Variants in FA2H observed in about 807,000 individuals in gnomAD.
FA2H encodes fatty acid alpha-hydroxylase.
In FA2H, 22 loss-of-function variants were observed where a neutral mutation model predicts 44.9. The observed-to-expected ratio is 0.49, with a 90% CI of 0.35 to 0.70. FA2H has a LOEUF of 0.70. Among genes scored for constraint, FA2H ranks in the 30% least tolerant of loss-of-function variants. The probability of loss-of-function intolerance (pLI) is 0.01; values close to 1 mark genes in which losing one functional copy is unlikely to be tolerated. For missense variants in FA2H, 501 were observed against 504.9 expected (o/e 0.99, Z 0.07); for synonymous variants, 243 against 213.2 (o/e 1.14, Z -1.22).
At chr16:74,739,995 T>G (rs372629179) in intron 2 of FA2H, 28 bp downstream of exon 2, 1 of 1,547,778 alleles carries the variant, frequency 6.5e-7, no homozygotes, top group Non-Finnish European at 8.9e-7. Flanking sequence ...CCCCCAGTCA[T>G]CACCCCACTC....
intron 1 of FA2H, among the ~76,000 whole-genome samples, chr16:74,772,451 T>C (rs1276238604): frequency 6.6e-6 from 1 of 152,202 alleles, no homozygotes; most frequent in African/African-American, 2.4e-5. Flanking sequence ...ATTAGCTCCA[T>C]GAAGACAGGA....
At chr16:74,766,535 T>C (rs1243051384) in intron 1 of FA2H, among the ~76,000 whole-genome samples, 1 of 151,708 alleles carries the variant, frequency 6.6e-6, no homozygotes, top group Admixed American at 6.6e-5. Flanking sequence ...TCAGAGACAA[T>C]GGGGAACAGA....
chr16:74,773,353 A>T (rs1962943646), intron 1 of FA2H, among the ~76,000 whole-genome samples: 1 of 94,134 alleles, frequency 1.1e-5, no homozygotes, highest in African/African-American at 2.8e-5. Flanking sequence ...TTTATCATAG[A>T]TATGCATATA....
At chr16:74,750,799 C>T (rs1038996868) in intron 1 of FA2H, among the ~76,000 whole-genome samples, 3 of 38,558 alleles carry the variant, frequency 7.8e-5, no homozygotes, top group African/African-American at 3.1e-4. Context: ...GTTTAAGAGA[C>T]AGGGTCTCGC....
chr16:74,757,486 A>G (rs1326586292), intron 1 of FA2H, among the ~76,000 whole-genome samples: 1 of 152,232 alleles, frequency 6.6e-6, no homozygotes, highest in East Asian at 1.9e-4. Flanking sequence ...TTCCAAATCC[A>G]GGACTCTGTA....
At chr16:74,774,354 G>C (rs1962967242) in intron 1 of FA2H, 132 bp downstream of exon 1, 1 of 827,700 alleles carries the variant, frequency 1.2e-6, no homozygotes, top group Non-Finnish European at 1.7e-6. Context: ...AGAGAAGAGA[G>C]GGAAAGCGAG....
At chr16:74,738,167 G>A (rs568666820) in intron 2 of FA2H, among the ~76,000 whole-genome samples, 10 of 152,238 alleles carry the variant, frequency 6.6e-5, no homozygotes, top group African/African-American at 1.9e-4. Flanking sequence ...TCGCCCTTCC[G>A]TCTCAGCCCA....
intron 1 of FA2H, among the ~76,000 whole-genome samples, chr16:74,758,407 A>G (rs959415750): frequency 6.6e-6 from 1 of 152,038 alleles, no homozygotes; most frequent in Admixed American, 6.6e-5. Context: ...GTCATGAGCC[A>G]CCGTGCCCGG....
intron 1 of FA2H, among the ~76,000 whole-genome samples, chr16:74,763,998 T>C (rs959320572): frequency 2.6e-5 from 4 of 152,246 alleles, no homozygotes; most frequent in Non-Finnish European, 4.4e-5. Flanking sequence ...TAATAGTGTT[T>C]TGGAGGCAGT....
intron 4 of FA2H, among the ~76,000 whole-genome samples, chr16:74,719,698 C>T (rs1039704341): frequency 6.6e-6 from 1 of 152,084 alleles, no homozygotes; most frequent in African/African-American, 2.4e-5. Context: ...CCACCGCACC[C>T]AGCTAATTTT....
Position 74,714,284 on chromosome 16 carries a change from A to C in FA2H, c.1040-15T>G, listed in dbSNP as rs1364867589. ...GATACCAAATCCTAGAGAGGGAGAC[A>C]AACGGGGAGAAGATGAGGCATTGAA... is the stretch of plus-strand genomic sequence containing the variant. On this transcript the variant is annotated splice_polypyrimidine_tract_variant and intron_variant, in intron 6 of 6. Transcript: ENST00000219368. The C allele has an allele frequency of 2.6e-6, 4 of 1,515,982 alleles. No individual in the cohort carries two copies. Among genetic ancestry groups the C allele is most frequent in the Non-Finnish European group, 2.7e-6 (3 of 1,113,262 alleles). The allele number at this position is 1,515,982 out of a possible 1,614,324, so 93.9% of individuals were successfully genotyped here.
intron 1 of FA2H, among the ~76,000 whole-genome samples, chr16:74,743,726 T>C (rs953089115): frequency 1.3e-5 from 2 of 152,194 alleles, no homozygotes; most frequent in African/African-American, 4.8e-5. Flanking sequence ...ATGTCAGGAC[T>C]GATATGCTTC....
At chr16:74,727,760 G>C (rs1961990198) in intron 2 of FA2H, among the ~76,000 whole-genome samples, 1 of 152,186 alleles carries the variant, frequency 6.6e-6, no homozygotes, top group Non-Finnish European at 1.5e-5. Flanking sequence ...TCTCAGTGAT[G>C]ATATCTGAGC....
chr16:74,752,277 A>G (rs1482113984), intron 1 of FA2H, among the ~76,000 whole-genome samples: 2 of 152,170 alleles, frequency 1.3e-5, no homozygotes, highest in Admixed American at 6.6e-5. Flanking sequence ...GATCAAATGT[A>G]GAGAAAATCT....
chr16:74,736,017 T>C (rs377565499), intron 2 of FA2H, among the ~76,000 whole-genome samples: 13 of 152,102 alleles, frequency 8.5e-5, no homozygotes, highest in East Asian at 5.9e-4. Flanking sequence ...AATAGCTTTC[T>C]GCATCATACT....
In FA2H at chr16:74,728,699, A is replaced by G. The variant is rs371929995; in HGVS notation, c.364-1313T>C. 4.6e-5 allele frequency among the ~76,000 whole-genome samples: 7 copies of G among 150,648 alleles called. No individual in the cohort carries two copies. The East Asian group carries it at 1.4e-3, about 31-fold the overall frequency. Reference sequence around the variant, plus strand: ...TCGGTACTCACAGGCTAATCCCCAGAGGCAGGGAGAAAATATTAACGACCC... The same window carrying G: ...TCGGTACTCACAGGCTAATCCCCAGGGGCAGGGAGAAAATATTAACGACCC... On this transcript the variant is annotated intron_variant, in intron 2 of 6. Transcript: ENST00000219368.
rs1344911374 is a variant in FA2H, at chr16:74,719,142, G to A, written c.632C>T (p.Pro211Leu). The A allele has an allele frequency of 1.2e-6, 2 of 1,613,514 alleles. No individual in the cohort carries two copies. Among genetic ancestry groups the A allele is most frequent in the Non-Finnish European group, 1.7e-6 (2 of 1,180,028 alleles). The change falls in exon 5 of 7, where the codon CCC becomes CTC. Residue 211 changes from proline (P) to leucine (L), a missense_variant. Physicochemically the swap from Pro to Leu is moderately conservative, Grantham distance 98. Coordinates refer to ENST00000219368, the MANE Select transcript of FA2H (RefSeq NM_024306.5). ...SFTTEYTVAV[P>L]KSMFPGLFML... ...GAAGAGCCCGGGGAACATGGACTTGGGCACTGCCACCGTGTACTCTGCAGG... is the reference window on the plus strand; with the variant it reads ...GAAGAGCCCGGGGAACATGGACTTGAGCACTGCCACCGTGTACTCTGCAGG...
intron 2 of FA2H, among the ~76,000 whole-genome samples, chr16:74,737,519 T>G (rs1249242573): frequency 6.6e-6 from 1 of 152,104 alleles, no homozygotes; most frequent in African/African-American, 2.4e-5. Context: ...TTCAGATCCT[T>G]CTAACTCTGC....
chr16:74,719,875 G>T (rs1248874988), intron 4 of FA2H, among the ~76,000 whole-genome samples: 2 of 151,848 alleles, frequency 1.3e-5, no homozygotes, highest in Admixed American at 1.3e-4. Context: ...TTAATGATGG[G>T]AAGTGTGACC....
Sources: gnomAD v4.1 joint callset for allele counts (sites outside exome capture counted in the v4.1 genomes callset) on GRCh38, gnomAD v4.1.1 for gene constraint, MANE v1.5 for transcripts, NCBI Gene and HGNC (gene_info 2026-07-23, HGNC 2026-07-21) for gene names.